VSTM4: variants seen among roughly 807,000 people sequenced by gnomAD.
The protein encoded by VSTM4 is V-set and transmembrane domain containing 4, also known as V-set and transmembrane domain-containing protein 4.
In VSTM4, 20 loss-of-function variants were observed where a neutral mutation model predicts 36.4. That is an observed-to-expected ratio of 0.55 (90% CI 0.39 to 0.80). The LOEUF is 0.80. Among genes scored for constraint, VSTM4 ranks in the 30% least tolerant of loss-of-function variants. The pLI, the probability that VSTM4 is intolerant of heterozygous loss-of-function variation, is 0.00. For missense variants in VSTM4, 392 were observed against 404.5 expected, an observed-to-expected ratio of 0.97 and a Z score of 0.26; for synonymous variants, 182 against 173.9, an observed-to-expected ratio of 1.05 and a Z score of -0.37.
At position 49,107,719 on chromosome 10, in the gene VSTM4, C is replaced by T. The variant is rs1036917161; in HGVS notation, c.332G>A (p.Arg111Lys). Residue 111 changes from arginine (R) to lysine (K), a missense_variant, in exon 2 of 8, where the codon AGG becomes AAG. Arg to Lys is a conservative substitution (Grantham distance 26). Coordinates refer to ENST00000332853, the MANE Select transcript of VSTM4 (RefSeq NM_001031746.5). ...GGGCTGCAGTGTCAAGACGGAGAGCCTGTAGAGCGCCCCCCGCTGCTCCTC... is the reference window on the plus strand; with the variant it reads ...GGGCTGCAGTGTCAAGACGGAGAGCTTGTAGAGCGCCCCCCGCTGCTCCTC... ...LLEEQRGALY[R>K]LSVLTLQPSD... The T allele has an allele frequency of 3.7e-6, 6 of 1,614,056 alleles. No individual in the cohort carries two copies. Among genetic ancestry groups the T allele is most frequent in the Non-Finnish European group, 5.1e-6 (6 of 1,180,030 alleles).
intron 2 of VSTM4, among the ~76,000 whole-genome samples, chr10:49,087,731 A>G (rs529091524): frequency 2.0e-4 from 30 of 152,108 alleles, no homozygotes; most frequent in Admixed American, 3.9e-4. Flanking sequence ...CACTTTCTCC[A>G]TAGCTTCTCT....
intron 7 of VSTM4, among the ~76,000 whole-genome samples, chr10:49,043,868 G>T (rs952955580): frequency 6.6e-6 from 1 of 152,196 alleles, no homozygotes; most frequent in Non-Finnish European, 1.5e-5. Flanking sequence ...CTTTTAAATT[G>T]CACTGCCATG....
intron 2 of VSTM4, among the ~76,000 whole-genome samples, chr10:49,091,056 C>T (rs1844464986): frequency 6.6e-6 from 1 of 152,170 alleles, no homozygotes. Flanking sequence ...AGAAGGAAGC[C>T]CAATTTGATC....
intron 7 of VSTM4, among the ~76,000 whole-genome samples, chr10:49,043,302 A>G (rs1421394303): frequency 2.0e-5 from 3 of 152,250 alleles, no homozygotes; most frequent in African/African-American, 7.2e-5. Flanking sequence ...AAATGATAAT[A>G]TTTTTGATAG....
In VSTM4 at chr10:49,074,346, T is replaced by A. The variant is rs997455974; in HGVS notation, c.634+2873A>T. ...CAAAATACTTGTTGTAAAAGCAGGA[T>A]GCTTGATGGGATAGAGGTAAGAAGA... On this transcript the variant is annotated intron_variant, in intron 4 of 7. Transcript: ENST00000332853. Among the ~76,000 whole-genome samples, 6 of 152,332 alleles carry A rather than the reference T, an allele frequency of 3.9e-5. No individual in the cohort carries two copies. In the East Asian group the frequency reaches 7.7e-4, roughly 20 times the overall value.
intron 2 of VSTM4, chr10:49,103,411 G>T: frequency 1.7e-6 from 1 of 588,078 alleles, no homozygotes; most frequent in South Asian, 7.3e-5. Flanking sequence ...GATTTGCACT[G>T]AAATGTTAAG....
chr10:49,048,505 C>T lies in VSTM4; in HGVS notation c.748G>A (p.Asp250Asn). The change falls in exon 6 of 8, where the codon GAC becomes AAC. Residue 250 changes from aspartate (D) to asparagine (N), a missense_variant. Asp to Asn is a conservative substitution (Grantham distance 23). Coordinates refer to ENST00000332853, the MANE Select transcript of VSTM4 (RefSeq NM_001031746.5). ...KKGKRQKEKP[D>N]IPPAVPAKAP... Reference sequence around the variant, plus strand: ...TTGGCAGGGACTGCGGGAGGAATGTCAGGCTTCTCCTTCTGCCTCTTGCCC... The same window carrying T: ...TTGGCAGGGACTGCGGGAGGAATGTTAGGCTTCTCCTTCTGCCTCTTGCCC... 3.1e-6 allele frequency: 5 copies of T among 1,596,012 alleles called. No homozygotes were observed. The highest frequency in any genetic ancestry group is 3.4e-6 in the Non-Finnish European group (4 of 1,173,706).
At chr10:49,035,717 G>A (rs1458985361) in intron 7 of VSTM4, among the ~76,000 whole-genome samples, 2 of 151,198 alleles carry the variant, frequency 1.3e-5, no homozygotes, top group Admixed American at 6.6e-5. Context: ...ACATGCCTGT[G>A]GTACCAGCTA....
intron 1 of VSTM4, among the ~76,000 whole-genome samples, chr10:49,109,247 G>A (rs1844849354): frequency 6.6e-6 from 1 of 152,160 alleles, no homozygotes; most frequent in South Asian, 2.1e-4. Context: ...CAAAACCTTT[G>A]ACCCCTGGGC....
chr10:49,093,213 C>A (rs541869025), intron 2 of VSTM4, among the ~76,000 whole-genome samples: 29 of 152,174 alleles, frequency 1.9e-4, no homozygotes, highest in African/African-American at 6.5e-4. Flanking sequence ...TAACACATGC[C>A]CACTGGGGCT....
In VSTM4 at chr10:49,019,650, C is replaced by T. The variant is rs1360752081; in HGVS notation, c.963G>A (p.Ter321=). The T allele has an allele frequency of 6.2e-7, 1 of 1,609,770 alleles. No homozygotes were observed. The highest frequency in any genetic ancestry group is 8.5e-7 in the Non-Finnish European group (1 of 1,178,008). ...AQILFEENKL[*] ...TAGAACCTTGGAGGTGGACGCTGTA[C>T]TACAGCTTGTTCTCCTCGAAGAGGA... Residue 321 remains the stop codon, a stop_retained_variant, in exon 8 of 8, where the codon TAG becomes TAA. Transcript: ENST00000332853.
chr10:49,070,142 A>G (rs1844048481), intron 4 of VSTM4, among the ~76,000 whole-genome samples: 1 of 109,338 alleles, frequency 9.1e-6, no homozygotes, highest in African/African-American at 4.8e-5. Context: ...AGTCCCAGCT[A>G]CTTGGGAGGC....
At chr10:49,075,046 C>T (rs776303244) in intron 4 of VSTM4, among the ~76,000 whole-genome samples, 5 of 152,212 alleles carry the variant, frequency 3.3e-5, no homozygotes, top group Non-Finnish European at 4.4e-5. Context: ...GCTCAGACAA[C>T]GCTCTGGACA....
At chr10:49,019,798 A>C (rs376010166) in intron 7 of VSTM4, 23 bp from the exon 8 acceptor site, 2 of 1,605,768 alleles carry the variant, frequency 1.2e-6, no homozygotes, top group African/African-American at 1.3e-5. Context: ...AAACAAAACA[A>C]AACACAATTC....
chr10:49,073,671 G>A (rs917279602), intron 4 of VSTM4, among the ~76,000 whole-genome samples: 3 of 152,202 alleles, frequency 2.0e-5, no homozygotes, highest in Non-Finnish European at 4.4e-5. Context: ...GGAACGCTCA[G>A]GGGATGTTCT....
chr10:49,029,570 G>A (rs189425939), intron 7 of VSTM4, among the ~76,000 whole-genome samples: 210 of 152,310 alleles, frequency 1.4e-3, no homozygotes, highest in African/African-American at 4.8e-3. Context: ...CCCAGGCATC[G>A]CAAATGCATG....
chr10:49,105,696 C>T (rs974352517), intron 2 of VSTM4, among the ~76,000 whole-genome samples: 10 of 152,158 alleles, frequency 6.6e-5, no homozygotes, highest in Admixed American at 6.5e-4. Context: ...ACTCTGCTTA[C>T]TTGAAGGTAG....
At chr10:49,036,490 C>G (rs1269889555) in intron 7 of VSTM4, among the ~76,000 whole-genome samples, 2 of 151,978 alleles carry the variant, frequency 1.3e-5, no homozygotes, top group Non-Finnish European at 2.9e-5. Context: ...TAAAATTTAA[C>G]TGAAACCAGT....
At position 49,047,041 on chromosome 10, in the gene VSTM4, G is replaced by A. The variant is rs187843947; in HGVS notation, c.779C>T (p.Pro260Leu). Residue 260 changes from proline to leucine, a missense_variant, in exon 7 of 8, where the codon CCG (proline) becomes CTG (leucine). Transcript: ENST00000332853. Reference protein sequence around the residue: ...DIPPAVPAKAPIAPTFHKPKL... With the variant: ...DIPPAVPAKALIAPTFHKPKL... ...CGGTTTATGGAACGTGGGGGCTATCGGAGCTGTGGAAGTAGGTCAAGGGTT... is the reference window on the plus strand; with the variant it reads ...CGGTTTATGGAACGTGGGGGCTATCAGAGCTGTGGAAGTAGGTCAAGGGTT... 2.5e-5 allele frequency: 40 copies of A among 1,614,118 alleles called. No homozygotes were observed. Among genetic ancestry groups the A allele is most frequent in the Middle Eastern group, 1.6e-4 (1 of 6,062 alleles).
Sources: gnomAD v4.1 joint callset for allele counts (sites outside exome capture counted in the v4.1 genomes callset) on GRCh38, gnomAD v4.1.1 for gene constraint, MANE v1.5 for transcripts, NCBI Gene and HGNC (gene_info 2026-07-23, HGNC 2026-07-21) for gene names.